The following FTCDNL1 variants were observed in gnomAD, a reference collection of about 807,000 sequenced individuals.
FTCDNL1 encodes the protein formiminotransferase cyclodeaminase N-terminal like.
Under a neutral mutation model 5.9 loss-of-function variants are expected in FTCDNL1, and 11 were observed. That is an observed-to-expected ratio of 1.87 (90% CI 1.18 to 3.10). The LOEUF (loss-of-function observed/expected upper bound fraction) is 3.10, where lower values mean the gene tolerates loss of function less well. FTCDNL1 is among the 30% of genes most tolerant of loss of function. The pLI is 0.00. For synonymous variants in FTCDNL1, 58 were observed against 24.8 expected (o/e 2.34, Z -3.99); for missense variants, 115 against 65.5 (o/e 1.76, Z -2.61).
the FTCDNL1 span, among the ~76,000 whole-genome samples, chr2:199,671,394 T>C: frequency 6.6e-6 from 1 of 151,526 alleles, no homozygotes. Flanking sequence ...GGAGTGCAGG[T>C]TGGGAGAAGG....
At chr2:199,766,212 T>A (rs1698532414) in intron 3 of FTCDNL1, among the ~76,000 whole-genome samples, 1 of 152,242 alleles carries the variant, frequency 6.6e-6, no homozygotes, top group Admixed American at 6.5e-5. Flanking sequence ...TATTAAATTG[T>A]GTGGTTTGAG....
In FTCDNL1 at chr2:199,834,880, T is replaced by C. The variant is rs80283343; in HGVS notation, c.211+11195A>G. Among the ~76,000 whole-genome samples the C allele has an allele frequency of 5.1e-3, 773 of 152,294 alleles. 7 individuals are homozygous for C. The highest frequency in any genetic ancestry group is 0.017 in the African/African-American group (727 of 41,570). On this transcript the variant is annotated intron_variant, in intron 3 of 4. Coordinates refer to ENST00000420128, the MANE Select transcript of FTCDNL1 (RefSeq NM_001363886.2). The stretch of plus-strand genomic sequence containing the variant: ...GCTTTCCCAAAGCCTCTGCTTTCGA[T>C]TGTCAGAAATTCTAGCTGTGTGGTG...
intron 3 of FTCDNL1, among the ~76,000 whole-genome samples, chr2:199,779,889 T>C (rs2106322501): frequency 6.6e-6 from 1 of 152,234 alleles, no homozygotes; most frequent in East Asian, 1.9e-4. Flanking sequence ...AGAACAAACA[T>C]GCAAGACAAC....
rs1390708428 is a variant in FTCDNL1 at position 199,851,160 on chromosome 2, C to G, written c.-428G>C. On this transcript the variant is annotated 5_prime_UTR_variant, in exon 1 of 5. Transcript: ENST00000420128. ...CCCGCGCGCAGCCTCCGCCGCCGCG[C>G]GTGGCCCGCGCGCAGCGTCTGCCGC... 4.9e-5 allele frequency: 7 copies of G among 142,672 alleles called. No homozygotes were observed. The highest frequency in any genetic ancestry group is 7.6e-5 in the Non-Finnish European group (5 of 66,010). 8.8% of individuals were successfully genotyped at this position (142,672 alleles called of 1,614,324 possible).
At chr2:199,823,986 T>C (rs1701859882) in intron 3 of FTCDNL1, among the ~76,000 whole-genome samples, 1 of 152,190 alleles carries the variant, frequency 6.6e-6, no homozygotes, top group Non-Finnish European at 1.5e-5. Context: ...TCCTTTTCTT[T>C]AAATTTTTTG....
At chr2:199,820,200 C>A (rs543383329) in intron 3 of FTCDNL1, among the ~76,000 whole-genome samples, 5 of 152,344 alleles carry the variant, frequency 3.3e-5, no homozygotes, top group African/African-American at 1.2e-4. Context: ...CCAGTAACCA[C>A]ACTGTCTAAT....
downstream of FTCDNL1, among the ~76,000 whole-genome samples, chr2:199,807,514 G>A (rs1017905364): frequency 2.0e-5 from 3 of 152,072 alleles, no homozygotes; most frequent in Non-Finnish European, 2.9e-5. Context: ...ATGTGCACCT[G>A]TAATCCCAGC....
chr2:199,819,389 T>C, intron 4 of FTCDNL1, 183 bp downstream of exon 4: 1 of 588,168 alleles, frequency 1.7e-6, no homozygotes, highest in Non-Finnish European at 3.0e-6. Flanking sequence ...CGGGAGCTTC[T>C]AGGCTCACAG....
chr2:199,819,945 T>C (rs1306547039), intron 3 of FTCDNL1, among the ~76,000 whole-genome samples, 188 bp from the exon 4 acceptor site: 1 of 152,228 alleles, frequency 6.6e-6, no homozygotes, highest in African/African-American at 2.4e-5. Context: ...CTAAAGCACA[T>C]GATTTATACA....
intron 3 of FTCDNL1, among the ~76,000 whole-genome samples, chr2:199,780,053 C>G (rs770656539): frequency 6.6e-6 from 1 of 152,134 alleles, no homozygotes; most frequent in Non-Finnish European, 1.5e-5. Context: ...CATGGAGTTC[C>G]CTGGAGAACA....
chr2:199,706,210 T>C, the FTCDNL1 span, among the ~76,000 whole-genome samples: 1 of 152,170 alleles, frequency 6.6e-6, no homozygotes, highest in Non-Finnish European at 1.5e-5. Context: ...TAAGACTTAG[T>C]TTGATGTGAC....
the FTCDNL1 span, among the ~76,000 whole-genome samples, chr2:199,722,089 T>C: frequency 6.6e-6 from 1 of 152,226 alleles, no homozygotes; most frequent in Admixed American, 6.5e-5. Flanking sequence ...CTGTTCACTT[T>C]GATGACAGTT....
At chr2:199,673,913 T>C in the FTCDNL1 span, among the ~76,000 whole-genome samples, 1 of 152,176 alleles carries the variant, frequency 6.6e-6, no homozygotes, top group Admixed American at 6.5e-5. Context: ...GATCCCAGTG[T>C]AGAAATAAAT....
At chr2:199,766,790 G>A (rs1028462628) in intron 3 of FTCDNL1, among the ~76,000 whole-genome samples, 4 of 152,006 alleles carry the variant, frequency 2.6e-5, no homozygotes, top group African/African-American at 4.8e-5. Flanking sequence ...TAATATGTCC[G>A]ATTTAATTGC....
At chr2:199,772,889 TAA>T (rs980641435) in intron 3 of FTCDNL1, among the ~76,000 whole-genome samples, 1 of 152,218 alleles carries the variant, frequency 6.6e-6, no homozygotes, top group African/African-American at 2.4e-5. Flanking sequence ...CGCCCTGTAT[TAA>T]TAATTAGCTG....
chr2:199,772,303 T>C (rs1285091400), intron 3 of FTCDNL1, among the ~76,000 whole-genome samples: 3 of 152,176 alleles, frequency 2.0e-5, no homozygotes, highest in Non-Finnish European at 4.4e-5. Flanking sequence ...ACCTAATGTT[T>C]TTGCACCACC....
At chr2:199,840,879 G>T (rs190878085) in intron 3 of FTCDNL1, among the ~76,000 whole-genome samples, 71 of 152,244 alleles carry the variant, frequency 4.7e-4, no homozygotes, top group Middle Eastern at 6.8e-3. Context: ...CTGGCTAGGG[G>T]CAGTAGCTCA....
chr2:199,829,989 C>G (rs1574645474), intron 3 of FTCDNL1, among the ~76,000 whole-genome samples: 1 of 151,816 alleles, frequency 6.6e-6, no homozygotes, highest in Admixed American at 6.6e-5. Flanking sequence ...TAAGCACAAA[C>G]CAATCAAAAA....
chr2:199,680,366 C>G, the FTCDNL1 span, among the ~76,000 whole-genome samples: 1 of 152,148 alleles, frequency 6.6e-6, no homozygotes, highest in Non-Finnish European at 1.5e-5. Context: ...GAATCTTTGG[C>G]TAGAATGTTC....
Sources: allele counts gnomAD v4.1 joint callset (sites outside exome capture counted in the v4.1 genomes callset), GRCh38; gene constraint gnomAD v4.1.1; transcripts MANE v1.5; gene names NCBI Gene and HGNC (gene_info 2026-07-23, HGNC 2026-07-21).